Variants in PAM observed in about 807,000 individuals in gnomAD.
PAM encodes the protein peptidyl-glycine alpha-amidating monooxygenase.
A neutral mutation model predicts 122.1 loss-of-function variants in PAM; 72 were observed. That is an observed-to-expected ratio of 0.59 (90% CI 0.49 to 0.72). The LOEUF (loss-of-function observed/expected upper bound fraction) is 0.72, where lower values mean the gene tolerates loss of function less well. Among genes scored for constraint, PAM ranks in the 30% least tolerant of loss-of-function variants. The pLI is 0.00. For synonymous variants in PAM, 389 were observed against 404.4 expected (o/e 0.96, Z 0.46); for missense variants, 1,106 against 1,183.7 (o/e 0.93, Z 0.96).
intron 1 of PAM, among the ~76,000 whole-genome samples, chr5:102,798,786 T>A (rs1043145302): frequency 2.6e-5 from 4 of 152,130 alleles, no homozygotes; most frequent in African/African-American, 9.7e-5. Context: ...AGAAAAAAGA[T>A]AGGAAGGAAA....
chr5:102,890,245 C>T (rs920327505), intron 3 of PAM, among the ~76,000 whole-genome samples: 16 of 151,786 alleles, frequency 1.1e-4, no homozygotes, highest in Non-Finnish European at 8.8e-5. Context: ...TATGTATTAC[C>T]AGCAGAAGGT....
At chr5:102,861,283 T>TG (rs1784120185) in intron 1 of PAM, among the ~76,000 whole-genome samples, 1 of 152,218 alleles carries the variant, frequency 6.6e-6, no homozygotes, top group Non-Finnish European at 1.5e-5. Flanking sequence ...ATGCTTATTG[T>TG]TTTCACCTAC....
rs1468075521 is a variant in PAM at position 102,829,888 on chromosome 5, T to C, written c.-373-35935T>C. On this transcript the variant is annotated intron_variant, in intron 1 of 25. Coordinates refer to ENST00000438793, the MANE Select transcript of PAM (RefSeq NM_001177306.2). The stretch of plus-strand genomic sequence containing the variant: ...GAGTCTGAGAATTCTGCAGATATCT[T>C]TTATCAAATTTATACAAACTGTCTC... 2.0e-5 allele frequency among the ~76,000 whole-genome samples: 3 copies of C among 152,180 alleles called. No individual in the cohort carries two copies. In the East Asian group the frequency reaches 5.8e-4, roughly 29 times the overall value.
At chr5:102,981,116 C>T (rs937022950) in intron 15 of PAM, among the ~76,000 whole-genome samples, 2 of 152,102 alleles carry the variant, frequency 1.3e-5, no homozygotes, top group Non-Finnish European at 2.9e-5. Context: ...ACAACCTATG[C>T]GTCCATATTT....
chr5:102,984,134 C>T (rs1162542393), intron 15 of PAM, among the ~76,000 whole-genome samples: 1 of 150,838 alleles, frequency 6.6e-6, no homozygotes, highest in African/African-American at 2.4e-5. Flanking sequence ...GTTGCCTCTG[C>T]AAAAAAATCA....
Sources: allele counts gnomAD v4.1 joint callset (sites outside exome capture counted in the v4.1 genomes callset), GRCh38; gene constraint gnomAD v4.1.1; transcripts MANE v1.5; gene names NCBI Gene and HGNC (gene_info 2026-07-23, HGNC 2026-07-21).